Variants in CNTNAP2 observed in about 807,000 individuals in gnomAD.
CNTNAP2 encodes contactin-associated protein-like 2.
Under a neutral mutation model 155.2 loss-of-function variants are expected in CNTNAP2, and 98 were observed. The ratio of observed to expected loss-of-function variants is 0.63; its 90% CI spans 0.54 to 0.75. The LOEUF is 0.75. Ranked by LOEUF, CNTNAP2 falls within the 30% of genes least tolerant of loss-of-function variation. The pLI is 0.00. For missense variants in CNTNAP2, 1,727 were observed against 1,688.1 expected, an observed-to-expected ratio of 1.02 and a Z score of -0.40; for synonymous variants, 651 against 631.2, an observed-to-expected ratio of 1.03 and a Z score of -0.47.
rs370466945 is a variant in CNTNAP2 at position 147,977,921 on chromosome 7, T to C, written c.2315T>C (p.Val772Ala). Reference sequence around the variant, plus strand: ...CACCTGCCAGTGAGCCAAGTGGTGGTTGGAGATACTGACCGTCAAGGCTCA... The same window carrying C: ...CACCTGCCAGTGAGCCAAGTGGTGGCTGGAGATACTGACCGTCAAGGCTCA... The part of the protein sequence containing the change: ...KDHLPVSQVV[V>A]GDTDRQGSEA... Residue 772 changes from valine to alanine, a missense_variant, in exon 15 of 24, where the codon GTT becomes GCT. Physicochemically the swap from Val to Ala is moderately conservative, Grantham distance 64. Transcript: ENST00000361727. 10 of 1,614,118 alleles carry C rather than the reference T, an allele frequency of 6.2e-6. No individual in the cohort carries two copies. The Admixed American group carries it at 1.0e-4, about 16-fold the overall frequency.
At chr7:146,930,380 G>T (rs545522039) in intron 3 of CNTNAP2, among the ~76,000 whole-genome samples, 4 of 152,010 alleles carry the variant, frequency 2.6e-5, no homozygotes, top group African/African-American at 9.7e-5. Flanking sequence ...TTACAGACAA[G>T]CAAATGCTGA....
chr7:146,550,036 C>T (rs898559446), intron 1 of CNTNAP2, among the ~76,000 whole-genome samples: 6 of 151,916 alleles, frequency 3.9e-5, no homozygotes, highest in African/African-American at 1.5e-4. Context: ...AAGCGTGGAA[C>T]CTAAAAAGCT....
chr7:146,742,960 A>T (rs541528610), intron 1 of CNTNAP2, among the ~76,000 whole-genome samples: 11 of 152,230 alleles, frequency 7.2e-5, no homozygotes, highest in South Asian at 2.1e-4. Flanking sequence ...TCATTTTTTT[A>T]AAAAAAGTAT....
intron 5 of CNTNAP2, among the ~76,000 whole-genome samples, chr7:147,117,462 G>T (rs1220592364): frequency 6.6e-6 from 1 of 152,038 alleles, no homozygotes; most frequent in Non-Finnish European, 1.5e-5. Flanking sequence ...CATTCTCCTT[G>T]TGTGAAGTTG....
At chr7:148,222,569 T>TGAATGGATCATTCCATGAATCTAC (rs1563000770) in intron 19 of CNTNAP2, among the ~76,000 whole-genome samples, 60 of 150,028 alleles carry the variant, frequency 4.0e-4, no homozygotes, top group South Asian at 1.3e-3. Context: ...CATGAATCTA[T>TGAATGGATCATTCCATGAATCTAC]GAATGGATCA....
chr7:148,284,349 T>C (rs571927067), intron 21 of CNTNAP2, among the ~76,000 whole-genome samples: 2 of 152,262 alleles, frequency 1.3e-5, no homozygotes, highest in East Asian at 1.9e-4. Context: ...TCCCTTTCAG[T>C]TGGCTCTCAT....
Position 147,315,426 on chromosome 7 carries a change from C to T in CNTNAP2, c.1498+15136C>T, listed in dbSNP as rs187655735. Among the ~76,000 whole-genome samples, 31 of 149,862 alleles carry T rather than the reference C, an allele frequency of 2.1e-4. 2 individuals carry two copies. In the East Asian group the frequency reaches 2.9e-3, roughly 14 times the overall value. On this transcript the variant is annotated intron_variant, in intron 9 of 23. Transcript: ENST00000361727. ...CAAAACCCCAAATCGTAGGCAACCACGGCAACCACGAATCTACTACTTCCT... is the reference window on the plus strand; with the variant it reads ...CAAAACCCCAAATCGTAGGCAACCATGGCAACCACGAATCTACTACTTCCT...
At chr7:147,398,299 T>C (rs1454466528) in intron 10 of CNTNAP2, among the ~76,000 whole-genome samples, 1 of 152,016 alleles carries the variant, frequency 6.6e-6, no homozygotes, top group Admixed American at 6.6e-5. Flanking sequence ...TATCTACAAC[T>C]TTCTTTTCAG....
intron 1 of CNTNAP2, among the ~76,000 whole-genome samples, chr7:146,727,159 T>C (rs929887278): frequency 2.6e-5 from 4 of 152,122 alleles, no homozygotes; most frequent in Non-Finnish European, 4.4e-5. Flanking sequence ...AGGTAATCAA[T>C]AAAATAAATA....
intron 12 of CNTNAP2, among the ~76,000 whole-genome samples, chr7:147,606,083 A>G (rs1801058387): frequency 6.6e-6 from 1 of 150,646 alleles, no homozygotes; most frequent in Non-Finnish European, 1.5e-5. Flanking sequence ...AGCTGTTCGT[A>G]CAGTACATCC....
chr7:147,023,609 C>T (rs1798852332), intron 3 of CNTNAP2, among the ~76,000 whole-genome samples: 1 of 152,146 alleles, frequency 6.6e-6, no homozygotes, highest in Non-Finnish European at 1.5e-5. Flanking sequence ...CCCTAGCAAC[C>T]ACTAATTTCT....
chr7:146,347,351 C>T (rs1794835055), intron 1 of CNTNAP2, among the ~76,000 whole-genome samples: 1 of 152,130 alleles, frequency 6.6e-6, no homozygotes, highest in African/African-American at 2.4e-5. Context: ...TAAGTCCTAA[C>T]TTCCCTGTTG....
At chr7:146,403,993 C>T (rs1340240644) in intron 1 of CNTNAP2, among the ~76,000 whole-genome samples, 1 of 150,476 alleles carries the variant, frequency 6.6e-6, no homozygotes, top group African/African-American at 2.4e-5. Flanking sequence ...GGCGTAGTGG[C>T]GGGCGCCTGT....
intron 1 of CNTNAP2, among the ~76,000 whole-genome samples, chr7:146,709,770 A>G (rs1189357471): frequency 6.6e-6 from 1 of 152,112 alleles, no homozygotes; most frequent in Admixed American, 6.6e-5. Flanking sequence ...TTTCTGGACT[A>G]TGAACTCTGG....
intron 9 of CNTNAP2, among the ~76,000 whole-genome samples, chr7:147,368,296 G>T (rs1310290874): frequency 6.6e-6 from 1 of 151,970 alleles, no homozygotes; most frequent in Middle Eastern, 3.2e-3. Flanking sequence ...AACTCTCTAA[G>T]CACAGAAGGA....
rs189682744 is a variant in CNTNAP2, at chr7:146,758,192, G to A, written c.98-16079G>A. ...TAACACTTCCCAAAACCCACCTGGC[G>A]TATTAATCAAACTGACTTTTTGTAG... On this transcript the variant is annotated intron_variant, in intron 1 of 23. Transcript: ENST00000361727. Among the ~76,000 whole-genome samples, 129 of 152,220 alleles carry A rather than the reference G, an allele frequency of 8.5e-4. 1 individual carries two copies. Among genetic ancestry groups the A allele is most frequent in the African/African-American group, 2.2e-3 (90 of 41,532 alleles).
chr7:148,093,809 C>G (rs1803902596), intron 15 of CNTNAP2, among the ~76,000 whole-genome samples: 1 of 152,178 alleles, frequency 6.6e-6, no homozygotes, highest in Non-Finnish European at 1.5e-5. Flanking sequence ...GAGTCTCACT[C>G]TGTCACCCAG....
chr7:146,994,437 TATG>T (rs1481629862), intron 3 of CNTNAP2, among the ~76,000 whole-genome samples: 2 of 152,168 alleles, frequency 1.3e-5, no homozygotes, highest in African/African-American at 2.4e-5. Context: ...AGAATAATTT[TATG>T]ATGATTAGGA....
At chr7:147,733,092 C>T (rs573916800) in intron 13 of CNTNAP2, among the ~76,000 whole-genome samples, 409 of 152,318 alleles carry the variant, frequency 2.7e-3, no homozygotes, top group African/African-American at 9.5e-3. Flanking sequence ...GTGTTTTAGA[C>T]ATGAAGTCCT....
Sources: gnomAD v4.1 joint callset for allele counts (sites outside exome capture counted in the v4.1 genomes callset) on GRCh38, gnomAD v4.1.1 for gene constraint, MANE v1.5 for transcripts, NCBI Gene and HGNC (gene_info 2026-07-23, HGNC 2026-07-21) for gene names.